Variants in PREPL observed in about 807,000 individuals in gnomAD.
PREPL encodes the protein prolyl endopeptidase like, also known as prolyl endopeptidase-like.
Under a neutral mutation model 70.6 loss-of-function variants are expected in PREPL, and 77 were observed. That is an observed-to-expected ratio of 1.09 (90% confidence interval 0.91 to 1.32). The LOEUF is 1.32. PREPL is among the 40% of genes most tolerant of loss of function. The pLI, the probability that PREPL is intolerant of heterozygous loss-of-function variation, is 0.00. For synonymous variants in PREPL, 315 were observed against 264.8 expected (o/e 1.19, Z -1.84); for missense variants, 1,002 against 778.2 (o/e 1.29, Z -3.42).
intron 1 of PREPL, among the ~76,000 whole-genome samples, chr2:44,354,884 C>A (rs1280250931): frequency 6.6e-6 from 1 of 152,154 alleles, no homozygotes; most frequent in African/African-American, 2.4e-5. Flanking sequence ...GCCTTCTTCA[C>A]CCTTAAGATC....
chr2:44,322,817 T>G lies in PREPL; in HGVS notation c.1667A>C (p.Asp556Ala). The change falls in exon 12 of 14, where the codon GAT (aspartate) becomes GCT (alanine). Residue 556 changes from aspartate to alanine, a missense_variant. Transcript: ENST00000409411. The stretch of plus-strand genomic sequence containing the variant: ...AATTCCTTTCAGAGGTACCCGTTCA[T>G]CGTTTTCATATGCCGTTATGTGAAT... ...PSIHITAYENDERVPLKGIVS... is the reference protein window; with the variant it reads ...PSIHITAYENAERVPLKGIVS... 1 of 1,613,866 alleles carries G rather than the reference T, an allele frequency of 6.2e-7. No individual in the cohort carries two copies. Among genetic ancestry groups the G allele is most frequent in the Non-Finnish European group, 8.5e-7 (1 of 1,179,790 alleles).
intron 10 of PREPL, among the ~76,000 whole-genome samples, chr2:44,326,265 T>C (rs1364748485): frequency 1.3e-5 from 2 of 152,196 alleles, no homozygotes; most frequent in African/African-American, 2.4e-5. Context: ...TAACGGTTAA[T>C]AGTTGGATTA....
chr2:44,332,572 G>A lies in PREPL; in HGVS notation c.973C>T (p.Pro325Ser). 6.2e-7 allele frequency: 1 copy of A among 1,613,724 alleles called. No individual in the cohort carries two copies. The highest frequency in any genetic ancestry group is 1.1e-5 in the South Asian group (1 of 91,072). ...AACTTGTATGTGTAATATTTTGGGG[G>A]ACGTATTGGAGAGCAAAGTTGAAAG... ...CPFQLCSPIRPPKYYTYKFAE... is the reference protein window; with the variant it reads ...CPFQLCSPIRSPKYYTYKFAE... The change falls in exon 8 of 14, where the codon CCC (proline) becomes TCC (serine). Residue 325 changes from proline to serine, a missense_variant. Pro to Ser is a moderately conservative substitution (Grantham distance 74, BLOSUM62 -1). Transcript: ENST00000409411.
upstream of PREPL, chr2:44,361,665 G>C (rs1253949008): frequency 3.8e-5 from 10 of 260,452 alleles, no homozygotes; most frequent in East Asian, 7.1e-4. Flanking sequence ...AAATATATAA[G>C]ACTTTTCGTT....
intron 1 of PREPL, among the ~76,000 whole-genome samples, chr2:44,355,158 T>C (rs998475481): frequency 2.0e-5 from 3 of 152,192 alleles, no homozygotes; most frequent in Admixed American, 2.0e-4. Flanking sequence ...TTAAAAAAAA[T>C]CATTTGTTTT....
At chr2:44,342,812 A>ATATT (rs1675373889) in intron 4 of PREPL, among the ~76,000 whole-genome samples, 1 of 152,170 alleles carries the variant, frequency 6.6e-6, no homozygotes, top group Non-Finnish European at 1.5e-5. Context: ...TAAGAGCTAA[A>ATATT]TGCTCAATAT....
upstream of PREPL, chr2:44,361,764 T>A (rs1442774026): frequency 3.6e-6 from 2 of 555,396 alleles, no homozygotes; most frequent in Non-Finnish European, 5.6e-6. Flanking sequence ...AGCTCTCTCA[T>A]CCTCTGGTCC....
At chr2:44,321,944 T>A (rs1183320054) in intron 12 of PREPL, 44 bp from the exon 13 acceptor site, 2 of 1,572,778 alleles carry the variant, frequency 1.3e-6, no homozygotes, top group Non-Finnish European at 1.7e-6. Flanking sequence ...TTGTATGGGA[T>A]CTTCTTTGGA....
rs1301906709 is a variant in PREPL, at chr2:44,328,971, C to T, written c.1228G>A (p.Asp410Asn). The change falls in exon 9 of 14, where the codon GAT becomes AAT. Residue 410 changes from aspartate (D) to asparagine (N), a missense_variant. Asp to Asn is a conservative substitution (Grantham distance 23, BLOSUM62 1). Coordinates refer to ENST00000409411, the MANE Select transcript of PREPL (RefSeq NM_001171613.2). ...NFRPERRVLV[D>N]DGWILAYCHV... ...CAGTATGCTAATATCCATCCATCAT[C>T]CACCAGGACCCGCCTCTCAGGCCTG... The T allele has an allele frequency of 6.2e-7, 1 of 1,613,976 alleles. No individual in the cohort carries two copies. The highest frequency in any genetic ancestry group is 1.1e-5 in the South Asian group (1 of 91,036).
chr2:44,352,058 T>C (rs928928276), intron 1 of PREPL, among the ~76,000 whole-genome samples: 1 of 152,236 alleles, frequency 6.6e-6, no homozygotes, highest in East Asian at 1.9e-4. Context: ...ATCAGTTTCT[T>C]AGAACTTGGG....
At chr2:44,348,824 T>A (rs1007915124) in intron 1 of PREPL, among the ~76,000 whole-genome samples, 2 of 152,244 alleles carry the variant, frequency 1.3e-5, no homozygotes, top group African/African-American at 4.8e-5. Flanking sequence ...CATTAAGTAC[T>A]CCAGGTTACT....
intron 1 of PREPL, among the ~76,000 whole-genome samples, chr2:44,353,659 CGACA>C (rs1432001848): frequency 5.3e-5 from 8 of 151,396 alleles, no homozygotes; most frequent in Non-Finnish European, 1.2e-4. Context: ...ACTGGCATAA[CGACA>C]GACATATACA....
rs745480546 is a variant in PREPL at position 44,326,772 on chromosome 2, C to T, written c.1419G>A (p.Gly473=). 1.6e-5 allele frequency: 26 copies of T among 1,614,142 alleles called. No homozygotes were observed. In the South Asian group the frequency reaches 2.7e-4, roughly 17 times the overall value. Residue 473 remains glycine (G), a synonymous_variant, in exon 10 of 14, where the codon GGG becomes GGA. Transcript: ENST00000409411. ...AATTACACAATGCTCCTGCAAGCACCCCTCCAGCACTGAAAGCAGTCAGGG... is the reference window on the plus strand; with the variant it reads ...AATTACACAATGCTCCTGCAAGCACTCCTCCAGCACTGAAAGCAGTCAGGG... ...LTTLTAFSAG[G]VLAGALCNSN...
rs1344130438 is a variant in PREPL at position 44,320,130 on chromosome 2, T to C, written c.*1226A>G. ...GTTTTGGGTAAATAACTCCTTACAA[T>C]ATATTAAAAATACTTACAAACAATT... On this transcript the variant is annotated 3_prime_UTR_variant, in exon 14 of 14. Coordinates refer to ENST00000409411, the MANE Select transcript of PREPL (RefSeq NM_001171613.2). The C allele has an allele frequency of 1.0e-5, 14 of 1,370,374 alleles. No individual in the cohort carries two copies. Among genetic ancestry groups the C allele is most frequent in the Middle Eastern group, 2.5e-4 (1 of 4,016 alleles). The allele number at this position is 1,370,374 out of a possible 1,614,324, so 84.9% of individuals were successfully genotyped here.
Position 44,320,678 on chromosome 2 carries a change from G to A in PREPL, c.*678C>T, listed in dbSNP as rs766252432. ...GAGATGAAGACACTGGCATTTCAGTGGGATTGTAAGCATTTGTAATAGCTT... is the reference window on the plus strand; with the variant it reads ...GAGATGAAGACACTGGCATTTCAGTAGGATTGTAAGCATTTGTAATAGCTT... On this transcript the variant is annotated 3_prime_UTR_variant, in exon 14 of 14. Transcript: ENST00000409411. The A allele has an allele frequency of 1.3e-6, 2 of 1,496,884 alleles. No individual in the cohort carries two copies. The highest frequency in any genetic ancestry group is 1.4e-5 in the African/African-American group (1 of 72,684). 92.7% of individuals were successfully genotyped at this position (1,496,884 alleles called of 1,614,324 possible). A position where few individuals can be genotyped will look rare whatever the true frequency, so the allele number is the denominator to read the frequency against.
chr2:44,351,786 G>A (rs1248608588), intron 1 of PREPL, among the ~76,000 whole-genome samples: 1 of 152,150 alleles, frequency 6.6e-6, no homozygotes, highest in African/African-American at 2.4e-5. Context: ...AGCTTTCTCT[G>A]CTTCTGCGCT....
At position 44,320,296 on chromosome 2, in the gene PREPL, A is replaced by G. The variant is rs1672816295; in HGVS notation, c.*1060T>C. ...CTCCTCAACAGGGGCTGGTTTTGCC[A>G]TTTGAGGAATGACAGCCACTATGTT... is the stretch of plus-strand genomic sequence containing the variant. On this transcript the variant is annotated 3_prime_UTR_variant, in exon 14 of 14. Transcript: ENST00000409411. 1 of 1,613,994 alleles carries G rather than the reference A, an allele frequency of 6.2e-7. No individual in the cohort carries two copies. Among genetic ancestry groups the G allele is most frequent in the Non-Finnish European group, 8.5e-7 (1 of 1,179,966 alleles).
intron 1 of PREPL, among the ~76,000 whole-genome samples, chr2:44,353,802 A>C (rs1676713363): frequency 6.6e-6 from 1 of 152,094 alleles, no homozygotes; most frequent in South Asian, 2.1e-4. Context: ...CAGACAATGG[A>C]TATCCACAAG....
At chr2:44,322,621 T>C in intron 12 of PREPL, 110 bp downstream of exon 12, 5 of 1,396,442 alleles carry the variant, frequency 3.6e-6, no homozygotes, top group Non-Finnish European at 3.9e-6. Context: ...TTGTTTGCCC[T>C]AAATCCTGGG....
Sources: gnomAD v4.1 joint callset for allele counts (sites outside exome capture counted in the v4.1 genomes callset) on GRCh38, gnomAD v4.1.1 for gene constraint, MANE v1.5 for transcripts, NCBI Gene and HGNC (gene_info 2026-07-23, HGNC 2026-07-21) for gene names.